Variants in ROBO1 observed in about 807,000 individuals in gnomAD.
ROBO1 encodes roundabout homolog 1.
A neutral mutation model predicts 195.9 loss-of-function variants in ROBO1; 149 were observed. The observed-to-expected ratio is 0.76, with a 90% CI of 0.67 to 0.87. The LOEUF is 0.87. ROBO1 is among the 40% of genes least tolerant of loss of function. The pLI, the probability that ROBO1 is intolerant of heterozygous loss-of-function variation, is 0.00. For synonymous variants in ROBO1, 816 were observed against 733.2 expected, an observed-to-expected ratio of 1.11 and a Z score of -1.82; for missense variants, 1,933 against 2,068.3, an observed-to-expected ratio of 0.93 and a Z score of 1.27.
At chr3:79,429,992 TTC>T (rs1222613942) in intron 2 of ROBO1, among the ~76,000 whole-genome samples, 1 of 151,968 alleles carries the variant, frequency 6.6e-6, no homozygotes, top group African/African-American at 2.4e-5. Flanking sequence ...CAACTAACTT[TTC>T]TCTCTCTCCT....
At chr3:79,666,739 A>G (rs1159039887) in intron 1 of ROBO1, among the ~76,000 whole-genome samples, 2 of 151,946 alleles carry the variant, frequency 1.3e-5, no homozygotes, top group Non-Finnish European at 2.9e-5. Flanking sequence ...TTCTTTATAA[A>G]TTACCCATTC....
At chr3:79,108,477 T>C (rs552391068) in intron 3 of ROBO1, among the ~76,000 whole-genome samples, 7 of 151,962 alleles carry the variant, frequency 4.6e-5, no homozygotes, top group Non-Finnish European at 7.4e-5. Flanking sequence ...TAAAATATAA[T>C]GTTAATAACA....
chr3:79,328,580 A>G (rs959851776), intron 2 of ROBO1, among the ~76,000 whole-genome samples: 3 of 152,192 alleles, frequency 2.0e-5, no homozygotes, highest in African/African-American at 7.2e-5. Context: ...TCAATCTATA[A>G]TAGAGTTCTA....
intron 8 of ROBO1, among the ~76,000 whole-genome samples, chr3:78,690,443 A>G (rs1034599880): frequency 2.6e-5 from 4 of 152,038 alleles, no homozygotes; most frequent in African/African-American, 4.8e-5. Context: ...GTAACACTGA[A>G]GTTCTAGCTT....
intron 2 of ROBO1, among the ~76,000 whole-genome samples, chr3:79,154,642 C>T (rs2108646893): frequency 6.6e-6 from 1 of 151,780 alleles, no homozygotes; most frequent in East Asian, 1.9e-4. Context: ...TTCACATGGG[C>T]ATCTTTTCCA....
At chr3:79,122,507 T>C (rs2080137909) in intron 3 of ROBO1, among the ~76,000 whole-genome samples, 1 of 151,964 alleles carries the variant, frequency 6.6e-6, no homozygotes, top group Admixed American at 6.6e-5. Flanking sequence ...CTTACAAAAT[T>C]TAGATTAGAA....
intron 2 of ROBO1, among the ~76,000 whole-genome samples, chr3:79,476,007 C>A (rs967431545): frequency 1.3e-5 from 2 of 151,928 alleles, no homozygotes; most frequent in African/African-American, 2.4e-5. Context: ...TATTAAAAAT[C>A]TGTTGAAGGA....
chr3:78,908,627 A>G (rs927911896), intron 4 of ROBO1, among the ~76,000 whole-genome samples: 12 of 151,916 alleles, frequency 7.9e-5, no homozygotes, highest in African/African-American at 2.7e-4. Flanking sequence ...TTGGAGAAAT[A>G]GACACTATTG....
At chr3:79,502,132 T>A (rs948593795) in intron 2 of ROBO1, among the ~76,000 whole-genome samples, 2 of 152,310 alleles carry the variant, frequency 1.3e-5, no homozygotes, top group East Asian at 3.9e-4. Flanking sequence ...CCGCGCCTTC[T>A]CGGCCTTGGC....
At chr3:78,996,732 C>A (rs2077377060) in intron 3 of ROBO1, among the ~76,000 whole-genome samples, 1 of 151,768 alleles carries the variant, frequency 6.6e-6, no homozygotes, top group Non-Finnish European at 1.5e-5. Context: ...ACACACACAC[C>A]CCTTTTGAAC....
intron 3 of ROBO1, among the ~76,000 whole-genome samples, chr3:79,032,423 C>T (rs1003144644): frequency 6.6e-6 from 1 of 151,778 alleles, no homozygotes; most frequent in African/African-American, 2.4e-5. Context: ...ATAAATTTAA[C>T]TTAATAAATT....
chr3:79,282,914 T>A (rs967914744), intron 2 of ROBO1, among the ~76,000 whole-genome samples: 8 of 152,174 alleles, frequency 5.3e-5, no homozygotes, highest in African/African-American at 1.4e-4. Context: ...GCCAAAAATA[T>A]ACCATACACA....
At chr3:79,552,008 A>AC (rs1942537520) in intron 2 of ROBO1, among the ~76,000 whole-genome samples, 1 of 145,514 alleles carries the variant, frequency 6.9e-6, no homozygotes, top group Non-Finnish European at 1.5e-5. Context: ...AAAAAAAAAA[A>AC]AAAAAACAGA....
chr3:78,661,243 A>G lies in ROBO1; in HGVS notation c.2107T>C (p.Tyr703His), dbSNP rs1306885389. 11 of 1,582,582 alleles carry G rather than the reference A, an allele frequency of 7.0e-6. No individual in the cohort carries two copies. Among genetic ancestry groups the G allele is most frequent in the Non-Finnish European group, 8.6e-6 (10 of 1,161,276 alleles). ...VHWTVDQQSQ[Y>H]IQGYKILYRP... is the part of the protein sequence containing the mutation. ...TAGAGAATTTTATATCCTTGTATAT[A>G]CTGAGACTGTTGATCTACCTATTAA... is the stretch of plus-strand genomic sequence containing the variant. The change falls in exon 16 of 31, where the codon TAT (tyrosine) becomes CAT (histidine). Residue 703 changes from tyrosine (Y) to histidine (H), a missense_variant. Transcript: ENST00000464233.
chr3:78,943,532 A>G (rs1020336401), intron 3 of ROBO1, among the ~76,000 whole-genome samples: 3 of 152,192 alleles, frequency 2.0e-5, no homozygotes, highest in Admixed American at 6.5e-5. Flanking sequence ...TCTATGGAAT[A>G]TTCTTTCTTC....
chr3:79,079,294 A>G (rs751359565), intron 3 of ROBO1, among the ~76,000 whole-genome samples: 22 of 151,940 alleles, frequency 1.4e-4, no homozygotes, highest in Non-Finnish European at 1.0e-4. Flanking sequence ...CTAGAACTTA[A>G]AGTTCCAAAA....
chr3:79,574,597 T>C (rs1397937739), intron 2 of ROBO1, among the ~76,000 whole-genome samples: 1 of 151,982 alleles, frequency 6.6e-6, no homozygotes, highest in Non-Finnish European at 1.5e-5. Context: ...CTTTTACTTT[T>C]TATTGTTTAC....
intron 4 of ROBO1, among the ~76,000 whole-genome samples, chr3:78,822,498 G>C (rs2031106162): frequency 6.6e-6 from 1 of 152,256 alleles, no homozygotes; most frequent in East Asian, 1.9e-4. Flanking sequence ...CAAGGGACTA[G>C]AGAATGAGCT....
chr3:78,718,227 GGAAAGA>G (rs1018229264), intron 5 of ROBO1, among the ~76,000 whole-genome samples: 8 of 151,912 alleles, frequency 5.3e-5, no homozygotes, highest in African/African-American at 1.7e-4. Context: ...GTTAGCAAGA[GGAAAGA>G]GAAAAAGAAA....
Sources: gnomAD v4.1 joint callset for allele counts (sites outside exome capture counted in the v4.1 genomes callset) on GRCh38, gnomAD v4.1.1 for gene constraint, MANE v1.5 for transcripts, NCBI Gene and HGNC (gene_info 2026-07-23, HGNC 2026-07-21) for gene names.